TDRD5: variants seen among roughly 807,000 people sequenced by gnomAD.
TDRD5 encodes tudor domain containing 5.
A neutral mutation model predicts 120.6 loss-of-function variants in TDRD5; 41 were observed. The ratio of observed to expected loss-of-function variants is 0.34; its 90% confidence interval spans 0.26 to 0.44. TDRD5 has a LOEUF of 0.44. Among genes scored for constraint, TDRD5 ranks in the 20% least tolerant of loss-of-function variants. The probability of loss-of-function intolerance (pLI) is 1.00; values close to 1 mark genes in which losing one functional copy is unlikely to be tolerated. For synonymous variants in TDRD5, 430 were observed against 433.7 expected, an observed-to-expected ratio of 0.99 and a Z score of 0.11; for missense variants, 1,006 against 1,221.2, an observed-to-expected ratio of 0.82 and a Z score of 2.63.
chr1:179,605,485 TG>T (rs1381381009), intron 4 of TDRD5, among the ~76,000 whole-genome samples: 1 of 151,826 alleles, frequency 6.6e-6, no homozygotes, highest in Non-Finnish European at 1.5e-5. Flanking sequence ...CAGGAGGAGG[TG>T]GGGGGTAGGA....
intron 4 of TDRD5, among the ~76,000 whole-genome samples, chr1:179,608,241 G>A (rs1323418277): frequency 6.6e-6 from 1 of 151,610 alleles, no homozygotes; most frequent in Admixed American, 6.6e-5. Flanking sequence ...CAGTTTGATT[G>A]TAGTATCCCT....
chr1:179,630,484 A>G (rs1053476108), intron 6 of TDRD5, among the ~76,000 whole-genome samples: 3 of 152,176 alleles, frequency 2.0e-5, no homozygotes, highest in African/African-American at 7.2e-5. Flanking sequence ...TTTGCTTTAT[A>G]TTCAGACATT....
intron 17 of TDRD5, among the ~76,000 whole-genome samples, chr1:179,674,993 T>C (rs1307725445): frequency 1.3e-5 from 2 of 152,090 alleles, no homozygotes; most frequent in African/African-American, 4.8e-5. Context: ...AACCAACTTT[T>C]TGTTTCACTT....
chr1:179,628,605 C>T (rs572058198), intron 6 of TDRD5, among the ~76,000 whole-genome samples: 1 of 151,958 alleles, frequency 6.6e-6, no homozygotes, highest in African/African-American at 2.4e-5. Flanking sequence ...CTTTTCCCAG[C>T]CCATCAGTTT....
At chr1:179,683,790 C>T (rs987225949) in intron 17 of TDRD5, among the ~76,000 whole-genome samples, 1 of 151,416 alleles carries the variant, frequency 6.6e-6, no homozygotes, top group African/African-American at 2.4e-5. Flanking sequence ...TTGCTGAACA[C>T]GTTGCTTAGC....
chr1:179,664,142 A>G (rs1484390658), intron 16 of TDRD5, among the ~76,000 whole-genome samples: 6 of 152,090 alleles, frequency 3.9e-5, no homozygotes, highest in Non-Finnish European at 8.8e-5. Flanking sequence ...TAAGTGACAC[A>G]TTTCCTTCAG....
chr1:179,622,646 A>T (rs975304609), intron 6 of TDRD5, among the ~76,000 whole-genome samples: 2 of 152,166 alleles, frequency 1.3e-5, no homozygotes, highest in African/African-American at 4.8e-5. Flanking sequence ...AAATTCACTA[A>T]CAACAAATTG....
chr1:179,636,626 A>G (rs988260335), intron 9 of TDRD5, among the ~76,000 whole-genome samples: 3 of 152,224 alleles, frequency 2.0e-5, no homozygotes, highest in South Asian at 2.1e-4. Context: ...CATTTGGAAA[A>G]TAACTAGTTT....
At chr1:179,608,291 T>C (rs975560295) in intron 4 of TDRD5, among the ~76,000 whole-genome samples, 3 of 151,894 alleles carry the variant, frequency 2.0e-5, no homozygotes, top group Non-Finnish European at 4.4e-5. Context: ...ATGAGATTCA[T>C]TGAGCTTCTT....
At chr1:179,621,438 T>C (rs1366440083) in intron 6 of TDRD5, among the ~76,000 whole-genome samples, 1 of 152,046 alleles carries the variant, frequency 6.6e-6, no homozygotes, top group Non-Finnish European at 1.5e-5. Context: ...ATTTTGGCAT[T>C]ATCAAGTAAA....
chr1:179,596,066 G>A (rs539515451), intron 4 of TDRD5, among the ~76,000 whole-genome samples: 42 of 152,236 alleles, frequency 2.8e-4, no homozygotes, highest in African/African-American at 8.7e-4. Flanking sequence ...TCCCAAATCT[G>A]TATCTCTAGT....
chr1:179,643,295 T>C (rs1247545122), intron 11 of TDRD5, among the ~76,000 whole-genome samples: 2 of 152,144 alleles, frequency 1.3e-5, no homozygotes, highest in Non-Finnish European at 2.9e-5. Context: ...TGATAATGTT[T>C]ACTATTCAAC....
intron 11 of TDRD5, among the ~76,000 whole-genome samples, chr1:179,646,349 A>G (rs1388207489): frequency 6.6e-6 from 1 of 152,224 alleles, no homozygotes; most frequent in Non-Finnish European, 1.5e-5. Context: ...TCAATTTACA[A>G]AAACCACATG....
intron 17 of TDRD5, among the ~76,000 whole-genome samples, chr1:179,687,340 T>C (rs1680780359): frequency 6.6e-6 from 1 of 152,228 alleles, no homozygotes; most frequent in South Asian, 2.1e-4. Flanking sequence ...AGTTTCCATG[T>C]AGTTGAGCGG....
chr1:179,617,375 G>C (rs1265333947), intron 4 of TDRD5, among the ~76,000 whole-genome samples: 2 of 152,148 alleles, frequency 1.3e-5, no homozygotes, highest in African/African-American at 4.8e-5. Flanking sequence ...CAGGCATTAT[G>C]TTATGCACTC....
intron 11 of TDRD5, among the ~76,000 whole-genome samples, chr1:179,649,578 A>G (rs1189651722): frequency 1.3e-5 from 2 of 151,880 alleles, no homozygotes; most frequent in Non-Finnish European, 2.9e-5. Flanking sequence ...AAAACTTCTT[A>G]GTTCTGCTAG....
chr1:179,599,208 A>T (rs1015251247), intron 4 of TDRD5, among the ~76,000 whole-genome samples: 1 of 152,068 alleles, frequency 6.6e-6, no homozygotes, highest in East Asian at 1.9e-4. Flanking sequence ...GTCATCATAT[A>T]GTATCCTTTT....
At chr1:179,605,860 C>A (rs553714577) in intron 4 of TDRD5, among the ~76,000 whole-genome samples, 52 of 152,288 alleles carry the variant, frequency 3.4e-4, no homozygotes, top group Non-Finnish European at 8.8e-5. Flanking sequence ...TCCACTTGTA[C>A]TGAAGGACGT....
chr1:179,660,096 G>A (rs961441785), intron 14 of TDRD5, among the ~76,000 whole-genome samples: 1 of 151,124 alleles, frequency 6.6e-6, no homozygotes, highest in Non-Finnish European at 1.5e-5. Context: ...TTTTATTTTA[G>A]ATCTGCCATT....
Sources: allele counts gnomAD v4.1 joint callset (sites outside exome capture counted in the v4.1 genomes callset), GRCh38; gene constraint gnomAD v4.1.1; transcripts MANE v1.5; gene names NCBI Gene and HGNC (gene_info 2026-07-23, HGNC 2026-07-21).